The following RHOBTB1 variants were observed in gnomAD, a reference collection of about 807,000 sequenced individuals.
The protein encoded by RHOBTB1 is rho-related BTB domain-containing protein 1.
In RHOBTB1, 40 loss-of-function variants were observed where a neutral mutation model predicts 71.6. The ratio of observed to expected loss-of-function variants is 0.56; its 90% confidence interval spans 0.43 to 0.73. RHOBTB1 has a LOEUF of 0.73. Among genes scored for constraint, RHOBTB1 ranks in the 30% least tolerant of loss-of-function variants. The pLI is 0.00. For synonymous variants in RHOBTB1, 319 were observed against 334.9 expected, an observed-to-expected ratio of 0.95 and a Z score of 0.52; for missense variants, 797 against 894.0, an observed-to-expected ratio of 0.89 and a Z score of 1.38.
At chr10:60,966,662 T>A (rs926974826) in intron 2 of RHOBTB1, among the ~76,000 whole-genome samples, 4 of 146,072 alleles carry the variant, frequency 2.7e-5, no homozygotes, top group Non-Finnish European at 6.1e-5. Context: ...AGAAACTTCT[T>A]TTTTTTTTGG....
At chr10:60,899,389 T>C (rs547069157) in intron 4 of RHOBTB1, among the ~76,000 whole-genome samples, 1 of 152,326 alleles carries the variant, frequency 6.6e-6, no homozygotes, top group South Asian at 2.1e-4. Flanking sequence ...ACTGAGGAAC[T>C]TCCTTCCTCT....
intron 1 of RHOBTB1, among the ~76,000 whole-genome samples, chr10:60,987,821 C>T (rs1045406159): frequency 1.1e-4 from 17 of 151,966 alleles, no homozygotes; most frequent in African/African-American, 4.1e-4. Context: ...ACCATCTCCC[C>T]TCACTATCAA....
intron 2 of RHOBTB1, among the ~76,000 whole-genome samples, chr10:60,976,402 C>T (rs1167558445): frequency 6.6e-6 from 1 of 151,542 alleles, no homozygotes; most frequent in Non-Finnish European, 1.5e-5. Context: ...TAGTAAAAGC[C>T]TTCATTATAT....
chr10:60,872,465 A>G (rs1051021079), intron 9 of RHOBTB1, among the ~76,000 whole-genome samples, 175 bp from the exon 10 acceptor site: 1 of 152,228 alleles, frequency 6.6e-6, no homozygotes, highest in African/African-American at 2.4e-5. Flanking sequence ...ATGCCAGCCA[A>G]TGTAGTGCTG....
Position 60,888,672 on chromosome 10 carries a change from T to G in RHOBTB1, c.996A>C (p.Glu332Asp), listed in dbSNP as rs535070297. Reference protein sequence around the residue: ...GRILSVDPEEEREEGPPRIPQ... With the variant: ...GRILSVDPEEDREEGPPRIPQ... ...GAATCCTAGGCGGGCCCTCCTCCCT[T>G]TCTTCCTCTGGGTCGACACTCAATA... The change falls in exon 6 of 11, where the codon GAA becomes GAC. Residue 332 changes from glutamate to aspartate, a missense_variant. Glu to Asp is a conservative substitution (Grantham distance 45). Coordinates refer to ENST00000337910, the MANE Select transcript of RHOBTB1 (RefSeq NM_014836.5). 7 of 1,614,240 alleles carry G rather than the reference T, an allele frequency of 4.3e-6. No homozygotes were observed. In the African/African-American group the frequency reaches 8.0e-5, roughly 18 times the overall value.
At chr10:60,893,185 A>C (rs965305154) in intron 4 of RHOBTB1, among the ~76,000 whole-genome samples, 190 bp from the exon 5 acceptor site, 3 of 152,058 alleles carry the variant, frequency 2.0e-5, no homozygotes, top group African/African-American at 7.2e-5. Context: ...TCCAGCACCA[A>C]CACAGCCTAA....
intron 2 of RHOBTB1, among the ~76,000 whole-genome samples, chr10:60,933,879 G>A (rs911043844): frequency 6.6e-6 from 1 of 151,934 alleles, no homozygotes; most frequent in African/African-American, 2.4e-5. Flanking sequence ...TAAATTAAAA[G>A]AGATTTAAAA....
intron 2 of RHOBTB1, among the ~76,000 whole-genome samples, chr10:60,978,187 TGA>T (rs1483396729): frequency 2.0e-5 from 3 of 152,168 alleles, no homozygotes; most frequent in African/African-American, 7.2e-5. Flanking sequence ...AAAACTGAGC[TGA>T]GGCTTTTTAT....
At chr10:60,922,453 G>GTAACCACA (rs1422409573) in intron 2 of RHOBTB1, among the ~76,000 whole-genome samples, 21 of 152,182 alleles carry the variant, frequency 1.4e-4, no homozygotes, top group Middle Eastern at 3.2e-3. Flanking sequence ...AGGGTGAAAA[G>GTAACCACA]TAACCACATA....
At chr10:60,985,901 T>C (rs1589461678) in exon 2 of RHOBTB1, 2 of 152,330 alleles carry the variant, frequency 1.3e-5, no homozygotes, top group East Asian at 3.9e-4. Context: ...TCAAGAATGC[T>C]TGATGAAGAG....
intron 1 of RHOBTB1, among the ~76,000 whole-genome samples, chr10:60,989,026 C>A (rs1404842740): frequency 6.6e-6 from 1 of 152,178 alleles, no homozygotes; most frequent in Admixed American, 6.5e-5. Flanking sequence ...ATATTCAATG[C>A]TCTAAAAATT....
intron 2 of RHOBTB1, among the ~76,000 whole-genome samples, chr10:60,935,918 G>A (rs1426472937): frequency 6.6e-6 from 1 of 152,098 alleles, no homozygotes; most frequent in Non-Finnish European, 1.5e-5. Flanking sequence ...ATTGGCCATG[G>A]TGGGAATATT....
In RHOBTB1 at chr10:60,889,137, T is replaced by C; in HGVS notation, c.531A>G (p.Val177=). The change falls in exon 6 of 11, where the codon GTA becomes GTG. Residue 177 remains valine, a synonymous_variant. Transcript: ENST00000337910. The part of the protein sequence containing the change: ...DILPPEKGRE[V]AKELGLPYYE... ...AGTATGGTAAGCCAAGTTCCTTTGC[T>C]ACCTCTCGGCCTTTTTCTGGGGGCA... is the stretch of plus-strand genomic sequence containing the variant. The C allele has an allele frequency of 6.2e-7, 1 of 1,613,922 alleles. No individual in the cohort carries two copies. Among genetic ancestry groups the C allele is most frequent in the Non-Finnish European group, 8.5e-7 (1 of 1,179,868 alleles).
chr10:60,894,573 T>G (rs7083267), intron 4 of RHOBTB1, among the ~76,000 whole-genome samples: 51,909 of 152,062 alleles, frequency 0.34, 9,658 homozygotes, highest in East Asian at 0.58. Context: ...AAGAATGCTT[T>G]GAATTTTACA....
At chr10:60,874,695 T>G (rs1183678607) in intron 9 of RHOBTB1, among the ~76,000 whole-genome samples, 1 of 152,176 alleles carries the variant, frequency 6.6e-6, no homozygotes, top group African/African-American at 2.4e-5. Flanking sequence ...CAAGTGATTT[T>G]CCTACATATG....
At chr10:60,918,905 C>T (rs1047138689) in intron 2 of RHOBTB1, among the ~76,000 whole-genome samples, 33 of 152,106 alleles carry the variant, frequency 2.2e-4, no homozygotes, top group Admixed American at 2.1e-3. Context: ...TGCCATCAGG[C>T]CTGGCTACTT....
At chr10:60,914,463 AT>A (rs373991144) in intron 2 of RHOBTB1, among the ~76,000 whole-genome samples, 4 of 152,036 alleles carry the variant, frequency 2.6e-5, no homozygotes, top group Admixed American at 1.3e-4. Context: ...TTAAGGGTGA[AT>A]TTTTTTTATT....
chr10:60,892,959 A>G lies in RHOBTB1; in HGVS notation c.333T>C (p.Asn111=), dbSNP rs1371772920. The stretch of plus-strand genomic sequence containing the variant: ...TTTTCACATGATTTAGGGAATTGGG[A>G]TTAGCAATCGAAAAACAGAGGACCA... ...DVVVLCFSIA[N]PNSLNHVKSM... is the part of the protein sequence containing the mutation. Residue 111 remains asparagine (N), a synonymous_variant, in exon 5 of 11, where the codon AAT becomes AAC. Coordinates refer to ENST00000337910, the MANE Select transcript of RHOBTB1 (RefSeq NM_014836.5). 8 of 1,614,032 alleles carry G rather than the reference A, an allele frequency of 5.0e-6. No individual in the cohort carries two copies. In the South Asian group the frequency reaches 8.8e-5, roughly 18 times the overall value.
At chr10:60,904,238 C>T (rs2082550352) in intron 4 of RHOBTB1, among the ~76,000 whole-genome samples, 1 of 152,174 alleles carries the variant, frequency 6.6e-6, no homozygotes, top group Non-Finnish European at 1.5e-5. Flanking sequence ...TGAGCCATTG[C>T]ACCTGGCCTA....
Sources: gnomAD v4.1 joint callset for allele counts (sites outside exome capture counted in the v4.1 genomes callset) on GRCh38, gnomAD v4.1.1 for gene constraint, MANE v1.5 for transcripts, NCBI Gene and HGNC (gene_info 2026-07-23, HGNC 2026-07-21) for gene names.